Variants in PCDHA13 observed in about 807,000 individuals in gnomAD.
PCDHA13 encodes the protein protocadherin alpha 13.
PCDHA13 carries 54 observed loss-of-function variants against 64.8 expected under a neutral mutation model. The observed-to-expected ratio is 0.83, with a 90% CI of 0.67 to 1.04. The LOEUF is 1.04. PCDHA13 is among the 50% of genes least tolerant of loss of function. The pLI is 0.00. For missense variants in PCDHA13, 1,248 were observed against 1,254.3 expected (o/e 0.99, Z 0.08); for synonymous variants, 587 against 564.4 (o/e 1.04, Z -0.57).
At chr5:140,980,728 A>T (rs1268236317) in intron 2 of PCDHA13, among the ~76,000 whole-genome samples, 1 of 152,168 alleles carries the variant, frequency 6.6e-6, no homozygotes, top group African/African-American at 2.4e-5. Context: ...TTCAATTAAG[A>T]TATTATGAGA....
intron 3 of PCDHA13, among the ~76,000 whole-genome samples, chr5:141,000,361 GTCTCTC>G (rs148596731): frequency 0.13 from 3,495 of 26,124 alleles, 319 homozygotes; most frequent in Middle Eastern, 0.15. Context: ...GTCTCTCTCT[GTCTCTC>G]TCTCTCTCTC....
chr5:141,000,924 G>C (rs375816680), intron 3 of PCDHA13, among the ~76,000 whole-genome samples: 97 of 152,046 alleles, frequency 6.4e-4, no homozygotes, highest in African/African-American at 2.2e-3. Context: ...AAAAAATCCT[G>C]TGTGATTTAG....
chr5:140,891,311 T>C (rs563637309), intron 1 of PCDHA13, among the ~76,000 whole-genome samples: 1 of 152,216 alleles, frequency 6.6e-6, no homozygotes, highest in African/African-American at 2.4e-5. Context: ...ATTACATGAG[T>C]AAGTTCTTTG....
chr5:140,941,191 T>TTTTTTTTC (rs1554213809), intron 1 of PCDHA13, among the ~76,000 whole-genome samples: 21 of 93,258 alleles, frequency 2.3e-4, no homozygotes, highest in African/African-American at 5.9e-4. Flanking sequence ...GCTTCTTTTT[T>TTTTTTTTC]TTTCTTTCTT....
chr5:140,903,498 T>C (rs1205249543), intron 1 of PCDHA13, among the ~76,000 whole-genome samples: 2 of 152,320 alleles, frequency 1.3e-5, no homozygotes, highest in East Asian at 1.9e-4. Context: ...GCAGGTACCA[T>C]AGATAATAGT....
At chr5:140,903,302 T>C (rs1299735621) in intron 1 of PCDHA13, among the ~76,000 whole-genome samples, 2 of 152,136 alleles carry the variant, frequency 1.3e-5, no homozygotes, top group Admixed American at 6.5e-5. Flanking sequence ...AAATTTAGTA[T>C]ACAATAAAGA....
At chr5:140,960,405 C>T (rs2095547214) in intron 1 of PCDHA13, among the ~76,000 whole-genome samples, 1 of 151,828 alleles carries the variant, frequency 6.6e-6, no homozygotes, top group Non-Finnish European at 1.5e-5. Context: ...AGGGGGGGTG[C>T]CCAAAAAGTC....
Position 140,885,214 on chromosome 5 carries a change from T to A in PCDHA13, c.2394+552T>A, listed in dbSNP as rs550824585. On this transcript the variant is annotated intron_variant, in intron 1 of 3. Coordinates refer to ENST00000289272, the MANE Select transcript of PCDHA13 (RefSeq NM_018904.3). ...CCCCTCTCATATATCCCATGAAAAATATCTTGTGATTCTGCTTTCAATTTT... is the reference window on the plus strand; with the variant it reads ...CCCCTCTCATATATCCCATGAAAAAAATCTTGTGATTCTGCTTTCAATTTT... Among the ~76,000 whole-genome samples the A allele has an allele frequency of 2.8e-3, 423 of 152,168 alleles. 2 individuals carry two copies. The highest frequency in any genetic ancestry group is 0.014 in the Middle Eastern group (4 of 294).
chr5:140,987,228 TAATA>T (rs1459014222), intron 3 of PCDHA13, among the ~76,000 whole-genome samples: 2 of 149,038 alleles, frequency 1.3e-5, no homozygotes, highest in Non-Finnish European at 3.0e-5. Flanking sequence ...AAAAAAAAAA[TAATA>T]AATAAAGAAA....
intron 1 of PCDHA13, chr5:140,926,711 C>T: frequency 1.1e-6 from 1 of 925,094 alleles, no homozygotes; most frequent in Non-Finnish European, 1.5e-6. Context: ...AGCTGGCCAG[C>T]CCCGGCAATG....
At chr5:140,986,738 G>T (rs1483741648) in intron 3 of PCDHA13, among the ~76,000 whole-genome samples, 1 of 152,168 alleles carries the variant, frequency 6.6e-6, no homozygotes, top group Admixed American at 6.5e-5. Flanking sequence ...AAGACCCCAG[G>T]GGATCTGGGA....
chr5:140,907,163 T>C (rs1019409387), intron 1 of PCDHA13, among the ~76,000 whole-genome samples: 1 of 152,162 alleles, frequency 6.6e-6, no homozygotes, highest in Non-Finnish European at 1.5e-5. Context: ...TACCATATAT[T>C]GGATGCTGAT....
At chr5:140,924,811 C>A (rs1209918868) in intron 1 of PCDHA13, among the ~76,000 whole-genome samples, 6 of 151,654 alleles carry the variant, frequency 4.0e-5, no homozygotes, top group Admixed American at 3.3e-4. Context: ...AAGAGAATCG[C>A]TTGAACCTGG....
chr5:140,918,817 A>C (rs1554198772), intron 1 of PCDHA13, among the ~76,000 whole-genome samples: 1 of 62,248 alleles, frequency 1.6e-5, no homozygotes, highest in Non-Finnish European at 2.7e-5. Context: ...TGAACCAAAA[A>C]GTGGCCCCCT....
chr5:140,945,560 C>T (rs1321626108), intron 1 of PCDHA13, among the ~76,000 whole-genome samples: 3 of 151,960 alleles, frequency 2.0e-5, no homozygotes, highest in Non-Finnish European at 2.9e-5. Context: ...AAGCTGAAGA[C>T]ATCATACTAC....
rs2098416049 is a variant in PCDHA13, at chr5:141,010,101, T to G, written c.*164T>G. The G allele has an allele frequency of 6.2e-6, 10 of 1,612,488 alleles. No homozygotes were observed. Among genetic ancestry groups the G allele is most frequent in the Non-Finnish European group, 8.5e-6 (10 of 1,179,154 alleles). ...GTCTGTCTAGAACGCATTTAACAGG[T>G]TTTGTCGTAAAAGCTTTACTAAGTC... On this transcript the variant is annotated 3_prime_UTR_variant, in exon 4 of 4. Transcript: ENST00000289272.
At chr5:140,917,242 T>C (rs564284004) in intron 1 of PCDHA13, among the ~76,000 whole-genome samples, 1 of 151,850 alleles carries the variant, frequency 6.6e-6, no homozygotes, top group African/African-American at 2.4e-5. Flanking sequence ...ATCTAGGTAC[T>C]ACGATTGCTC....
chr5:140,971,401 G>A (rs2096476846), intron 1 of PCDHA13, among the ~76,000 whole-genome samples: 1 of 152,164 alleles, frequency 6.6e-6, no homozygotes, highest in Admixed American at 6.5e-5. Context: ...ATTTCTGCCA[G>A]GCACTTTTGG....
intron 1 of PCDHA13, among the ~76,000 whole-genome samples, chr5:140,904,096 T>C (rs2153483454): frequency 6.6e-6 from 1 of 152,312 alleles, no homozygotes; most frequent in Admixed American, 6.5e-5. Flanking sequence ...AATAACTACT[T>C]TAGTGGTCAT....
Sources: gnomAD v4.1 joint callset for allele counts (sites outside exome capture counted in the v4.1 genomes callset) on GRCh38, gnomAD v4.1.1 for gene constraint, MANE v1.5 for transcripts, NCBI Gene and HGNC (gene_info 2026-07-23, HGNC 2026-07-21) for gene names.